SRRM4: variants seen among roughly 807,000 people sequenced by gnomAD.
SRRM4 encodes the protein serine/arginine repetitive matrix 4, also known as serine/arginine repetitive matrix protein 4.
A neutral mutation model predicts 68.9 loss-of-function variants in SRRM4; 33 were observed. The ratio of observed to expected loss-of-function variants is 0.48; its 90% CI spans 0.36 to 0.64. SRRM4 has a LOEUF of 0.64. SRRM4 is among the 30% of genes least tolerant of loss of function. SRRM4 has a pLI of 0.00. For synonymous variants in SRRM4, 318 were observed against 318.8 expected, an observed-to-expected ratio of 1.00 and a Z score of 0.03; for missense variants, 817 against 827.1, an observed-to-expected ratio of 0.99 and a Z score of 0.15.
At chr12:119,067,419 A>C (rs1565901025) in intron 1 of SRRM4, among the ~76,000 whole-genome samples, 1 of 152,162 alleles carries the variant, frequency 6.6e-6, no homozygotes, top group Non-Finnish European at 1.5e-5. Context: ...AAAGTCAATA[A>C]GCCTTGGCAG....
At chr12:118,987,340 G>C (rs1279388038) in intron 1 of SRRM4, among the ~76,000 whole-genome samples, 9 of 152,168 alleles carry the variant, frequency 5.9e-5, no homozygotes, top group Admixed American at 5.9e-4. Context: ...AGAGAGGGGG[G>C]ATGCTAAAGC....
chr12:119,057,155 A>G (rs1260193676), intron 1 of SRRM4, among the ~76,000 whole-genome samples: 1 of 152,216 alleles, frequency 6.6e-6, no homozygotes, highest in Non-Finnish European at 1.5e-5. Context: ...TTTTTAAATT[A>G]GGTGAAGAAA....
intron 1 of SRRM4, among the ~76,000 whole-genome samples, chr12:118,984,375 G>C (rs1330141340): frequency 6.6e-6 from 1 of 152,180 alleles, no homozygotes; most frequent in Non-Finnish European, 1.5e-5. Flanking sequence ...TTCCTCTAGA[G>C]GCAATCTGGG....
chr12:119,076,895 T>A (rs1349243499), intron 1 of SRRM4, among the ~76,000 whole-genome samples: 1 of 152,090 alleles, frequency 6.6e-6, no homozygotes, highest in Non-Finnish European at 1.5e-5. Context: ...TAAGAATTTT[T>A]AAAAACTGCT....
Position 119,156,853 on chromosome 12 carries a change from A to G in SRRM4, c.*55A>G, listed in dbSNP as rs1592920236. 2 of 1,469,466 alleles carry G rather than the reference A, an allele frequency of 1.4e-6. No homozygotes were observed. Among genetic ancestry groups the G allele is most frequent in the Non-Finnish European group, 9.0e-7 (1 of 1,114,294 alleles). The allele number at this position is 1,469,466 out of a possible 1,614,324, so 91.0% of individuals were successfully genotyped here. Reference sequence around the variant, plus strand: ...CCCTTCGCGCTGCCAGCCTCCCCCAACCACCTGCCCTCCCCGCCTTCTTGG... The same window carrying G: ...CCCTTCGCGCTGCCAGCCTCCCCCAGCCACCTGCCCTCCCCGCCTTCTTGG... On this transcript the variant is annotated 3_prime_UTR_variant, in exon 13 of 13. Coordinates refer to ENST00000267260, the MANE Select transcript of SRRM4 (RefSeq NM_194286.4).
intron 2 of SRRM4, among the ~76,000 whole-genome samples, chr12:119,112,441 C>T (rs1954150624): frequency 6.6e-6 from 1 of 152,222 alleles, no homozygotes; most frequent in Non-Finnish European, 1.5e-5. Flanking sequence ...AATCCCATTA[C>T]TGGGTATATA....
intron 10 of SRRM4, among the ~76,000 whole-genome samples, chr12:119,152,473 A>G (rs531066015): frequency 3.3e-5 from 5 of 152,338 alleles, no homozygotes; most frequent in South Asian, 2.1e-4. Context: ...CAAAGCAAAG[A>G]GGAAAATTAC....
chr12:119,012,499 T>C (rs1253044256), intron 1 of SRRM4, among the ~76,000 whole-genome samples: 1 of 152,220 alleles, frequency 6.6e-6, no homozygotes, highest in African/African-American at 2.4e-5. Flanking sequence ...TTTGGAACTG[T>C]AGGGCAAATT....
rs1329548951 is a variant in SRRM4 at position 119,161,924 on chromosome 12, T to C, written c.*5126T>C. On this transcript the variant is annotated 3_prime_UTR_variant, in exon 13 of 13. Coordinates refer to ENST00000267260, the MANE Select transcript of SRRM4 (RefSeq NM_194286.4). ...AGAAAAATTGTAAACTCTTTTTTTT[T>C]TCTGGCCAAGGAAAGCTATGCCTCA... The C allele has an allele frequency of 6.6e-6, 1 of 152,184 alleles. No individual in the cohort carries two copies. Among genetic ancestry groups the C allele is most frequent in the Non-Finnish European group, 1.5e-5 (1 of 68,010 alleles). The allele number at this position is 152,184 out of a possible 1,614,324, so 9.4% of individuals were successfully genotyped here.
At chr12:119,028,015 A>ATACT (rs1953560555) in intron 1 of SRRM4, among the ~76,000 whole-genome samples, 1 of 152,248 alleles carries the variant, frequency 6.6e-6, no homozygotes, top group Admixed American at 6.5e-5. Context: ...GTTGTTGCTA[A>ATACT]TACTTAGTGG....
At chr12:118,983,904 C>G (rs1409621439) in intron 1 of SRRM4, among the ~76,000 whole-genome samples, 1 of 152,176 alleles carries the variant, frequency 6.6e-6, no homozygotes, top group Non-Finnish European at 1.5e-5. Context: ...CTCCACTCCC[C>G]CTCTGCAACC....
chr12:119,054,036 C>T (rs1186210396), intron 1 of SRRM4, among the ~76,000 whole-genome samples: 1 of 152,200 alleles, frequency 6.6e-6, no homozygotes, highest in African/African-American at 2.4e-5. Flanking sequence ...ACCAACCTCC[C>T]CACTACCTTT....
chr12:119,085,575 T>C (rs1953975074), intron 1 of SRRM4, among the ~76,000 whole-genome samples: 2 of 152,202 alleles, frequency 1.3e-5, no homozygotes, highest in Admixed American at 6.5e-5. Flanking sequence ...GAGAAGTAGG[T>C]GACGCCAGAA....
chr12:119,077,131 C>T (rs1485141581), intron 1 of SRRM4, among the ~76,000 whole-genome samples: 1 of 152,104 alleles, frequency 6.6e-6, no homozygotes, highest in Non-Finnish European at 1.5e-5. Flanking sequence ...GTGATAAAGT[C>T]AAATGGGATA....
In SRRM4 at chr12:119,159,981, G is replaced by A. The variant is rs1163878667; in HGVS notation, c.*3183G>A. On this transcript the variant is annotated 3_prime_UTR_variant, in exon 13 of 13. Coordinates refer to ENST00000267260, the MANE Select transcript of SRRM4 (RefSeq NM_194286.4). ...ATCCTGGAAGGGCCCAGGATCCAAA[G>A]GTCATCAGTCCTGCTTATCTGACCA... is the stretch of plus-strand genomic sequence containing the variant. The A allele has an allele frequency of 6.6e-6, 1 of 151,984 alleles. No homozygotes were observed. The highest frequency in any genetic ancestry group is 6.5e-5 in the Admixed American group (1 of 15,272). 9.4% of individuals were successfully genotyped at this position (151,984 alleles called of 1,614,324 possible).
chr12:119,100,385 G>C (rs1954071588), intron 1 of SRRM4, among the ~76,000 whole-genome samples: 2 of 150,282 alleles, frequency 1.3e-5, no homozygotes, highest in Admixed American at 6.7e-5. Flanking sequence ...AGCTACTTGG[G>C]AGGTTGAGGT....
chr12:118,981,917 T>C lies in SRRM4; in HGVS notation c.35T>C (p.Phe12Ser). ...GTTCAGCAAGGCGAGAAGCAGCTTT[T>C]TGAGAAGTTCTGGCGAGGAACCTTC... The part of the protein sequence containing the change: ...ASVQQGEKQL[F>S]EKFWRGTFKA... Residue 12 changes from phenylalanine to serine, a missense_variant, in exon 1 of 13, where the codon TTT becomes TCT. Transcript: ENST00000267260. 2 of 1,613,606 alleles carry C rather than the reference T, an allele frequency of 1.2e-6. No individual in the cohort carries two copies. The highest frequency in any genetic ancestry group is 1.7e-6 in the Non-Finnish European group (2 of 1,179,770).
At chr12:119,091,171 G>A (rs1954012241) in intron 1 of SRRM4, among the ~76,000 whole-genome samples, 1 of 152,202 alleles carries the variant, frequency 6.6e-6, no homozygotes, top group Non-Finnish European at 1.5e-5. Context: ...CCTCTCAGAA[G>A]CCCCCTGTCT....
intron 1 of SRRM4, among the ~76,000 whole-genome samples, chr12:119,083,504 C>T (rs1592891819): frequency 6.6e-6 from 1 of 152,158 alleles, no homozygotes; most frequent in Non-Finnish European, 1.5e-5. Context: ...CTATAGCCTG[C>T]ACAGGTTCCC....
Sources: allele counts gnomAD v4.1 joint callset (sites outside exome capture counted in the v4.1 genomes callset), GRCh38; gene constraint gnomAD v4.1.1; transcripts MANE v1.5; gene names NCBI Gene and HGNC (gene_info 2026-07-23, HGNC 2026-07-21).